The following NEIL3 variants were observed in gnomAD, a reference collection of about 807,000 sequenced individuals.
The protein encoded by NEIL3 is nei like DNA glycosylase 3.
Under a neutral mutation model 57.5 loss-of-function variants are expected in NEIL3, and 48 were observed. The ratio of observed to expected loss-of-function variants is 0.83; its 90% CI spans 0.66 to 1.06. The LOEUF (loss-of-function observed/expected upper bound fraction) is 1.06. NEIL3 is among the 50% of genes least tolerant of loss of function. The pLI is 0.00. For synonymous variants in NEIL3, 261 were observed against 253.2 expected, an observed-to-expected ratio of 1.03 and a Z score of -0.29; for missense variants, 717 against 739.1, an observed-to-expected ratio of 0.97 and a Z score of 0.35.
Position 177,360,526 on chromosome 4 carries a change from A to C in NEIL3, c.1484A>C (p.Asp495Ala). The C allele has an allele frequency of 6.2e-7, 1 of 1,613,804 alleles. No homozygotes were observed. The highest frequency in any genetic ancestry group is 2.2e-5 in the East Asian group (1 of 44,870). Residue 495 changes from aspartate to alanine, a missense_variant, in exon 9 of 10, where the codon GAT becomes GCT. Coordinates refer to ENST00000264596, the MANE Select transcript of NEIL3 (RefSeq NM_018248.3). ...AGTGAACTTCAAATTAATATGACAGATGGCCCTCGTACCTTAAATCCTGAC... is the reference window on the plus strand; with the variant it reads ...AGTGAACTTCAAATTAATATGACAGCTGGCCCTCGTACCTTAAATCCTGAC... ...SNSELQINMT[D>A]GPRTLNPDSP...
chr4:177,324,321 T>G (rs1236156806), intron 2 of NEIL3, among the ~76,000 whole-genome samples: 1 of 152,146 alleles, frequency 6.6e-6, no homozygotes, highest in Non-Finnish European at 1.5e-5. Context: ...GATACCCAAC[T>G]TTTCACAAGC....
chr4:177,311,629 G>A (rs945077548), intron 1 of NEIL3, among the ~76,000 whole-genome samples: 1 of 148,774 alleles, frequency 6.7e-6, no homozygotes, highest in African/African-American at 2.5e-5. Context: ...AGCTGAGGTC[G>A]CGTTATTGCA....
chr4:177,318,728 A>G (rs1444300103), intron 1 of NEIL3, among the ~76,000 whole-genome samples: 2 of 151,988 alleles, frequency 1.3e-5, no homozygotes, highest in Admixed American at 6.6e-5. Flanking sequence ...CCCTCCCCCA[A>G]TCTTGCTCTC....
chr4:177,368,780 T>C, the NEIL3 span, among the ~76,000 whole-genome samples: 2 of 152,224 alleles, frequency 1.3e-5, no homozygotes, highest in Admixed American at 6.5e-5. Flanking sequence ...ATCTTTCCAG[T>C]AGTTTAAATG....
At chr4:177,320,638 C>T (rs575578852) in intron 1 of NEIL3, among the ~76,000 whole-genome samples, 235 of 151,352 alleles carry the variant, frequency 1.6e-3, no homozygotes, top group African/African-American at 5.2e-3. Context: ...CCACCATGCC[C>T]GGCTAATTTT....
intron 2 of NEIL3, 28 bp downstream of exon 2, chr4:177,322,608 A>C (rs1560909357): frequency 4.3e-6 from 7 of 1,613,130 alleles, no homozygotes; most frequent in Non-Finnish European, 4.2e-6. Context: ...GATACATCTT[A>C]TCTCTCTATA....
intron 2 of NEIL3, among the ~76,000 whole-genome samples, chr4:177,334,942 C>T (rs1734946361): frequency 6.6e-6 from 1 of 152,104 alleles, no homozygotes; most frequent in Non-Finnish European, 1.5e-5. Flanking sequence ...CTAATCAATC[C>T]TATAAAATCT....
chr4:177,334,927 A>G (rs1453480579), intron 2 of NEIL3, among the ~76,000 whole-genome samples: 2 of 152,332 alleles, frequency 1.3e-5, no homozygotes, highest in East Asian at 1.9e-4. Context: ...TAAAAACTGG[A>G]CATGCTAATC....
intron 1 of NEIL3, among the ~76,000 whole-genome samples, chr4:177,321,411 AC>A (rs1451031237): frequency 2.6e-5 from 4 of 152,144 alleles, no homozygotes; most frequent in Non-Finnish European, 5.9e-5. Context: ...CATTTTTATT[AC>A]ATTTTGAGTT....
downstream of NEIL3, among the ~76,000 whole-genome samples, chr4:177,366,595 C>T (rs563770683): frequency 2.0e-5 from 3 of 152,242 alleles, no homozygotes; most frequent in East Asian, 1.9e-4. Context: ...GACAGGCTGT[C>T]GTCATGTTGG....
At position 177,353,634 on chromosome 4, in the gene NEIL3, G is replaced by A. The variant is rs1046068603; in HGVS notation, c.1366G>A (p.Glu456Lys). The A allele has an allele frequency of 5.0e-6, 8 of 1,613,496 alleles. No homozygotes were observed. In the African/African-American group the frequency reaches 6.7e-5, roughly 13 times the overall value. The change falls in exon 8 of 10, where the codon GAA becomes AAA. Residue 456 changes from glutamate (E) to lysine (K), a missense_variant. By Grantham distance (56) the Glu-to-Lys change is moderately conservative (BLOSUM62 1). Transcript: ENST00000264596. ...KVNISPTISS[E>K]SKLFSPAHKK... ...AAACATATCACCTACAATCAGTTCA[G>A]AATCTAAATTATTTAGTCCAGCACA...
intron 2 of NEIL3, among the ~76,000 whole-genome samples, chr4:177,330,538 A>G (rs991346622): frequency 6.6e-6 from 1 of 152,324 alleles, no homozygotes; most frequent in African/African-American, 2.4e-5. Flanking sequence ...GAGAAAAAAA[A>G]TCAATGAAGC....
intron 6 of NEIL3, among the ~76,000 whole-genome samples, chr4:177,342,831 C>T (rs938395674): frequency 6.6e-6 from 1 of 152,206 alleles, no homozygotes; most frequent in Non-Finnish European, 1.5e-5. Flanking sequence ...CCAACAGAGG[C>T]TCCACGTTGT....
chr4:177,370,888 G>A, the NEIL3 span, among the ~76,000 whole-genome samples: 9 of 151,850 alleles, frequency 5.9e-5, no homozygotes, highest in Non-Finnish European at 1.2e-4. Context: ...GCAACAGAGC[G>A]AGACCCTGTC....
intron 2 of NEIL3, among the ~76,000 whole-genome samples, chr4:177,332,559 AG>A (rs1477357575): frequency 6.6e-6 from 1 of 152,126 alleles, no homozygotes; most frequent in Non-Finnish European, 1.5e-5. Flanking sequence ...ATCTCAAAGA[AG>A]TGTTCAAGAA....
In NEIL3 at chr4:177,339,776, C is replaced by T. The variant is rs1479006881; in HGVS notation, c.628-7C>T. On this transcript the variant is annotated splice_polypyrimidine_tract_variant and splice_region_variant and intron_variant, in intron 4 of 9. Transcript: ENST00000264596. The stretch of plus-strand genomic sequence containing the variant: ...AAACTAGGCTCTGCTGTTTTTTCCA[C>T]TTCAAGGTTTGTCAATTAACAGATG... 1 of 1,604,650 alleles carries T rather than the reference C, an allele frequency of 6.2e-7. No homozygotes were observed. The highest frequency in any genetic ancestry group is 8.5e-7 in the Non-Finnish European group (1 of 1,172,002).
At chr4:177,329,708 A>G (rs1734847102) in intron 2 of NEIL3, among the ~76,000 whole-genome samples, 2 of 152,220 alleles carry the variant, frequency 1.3e-5, no homozygotes, top group South Asian at 4.1e-4. Flanking sequence ...AACACTATCA[A>G]CCACCTTGAC....
chr4:177,324,980 G>C (rs1159330644), intron 2 of NEIL3, among the ~76,000 whole-genome samples: 2 of 147,224 alleles, frequency 1.4e-5, no homozygotes, highest in African/African-American at 5.0e-5. Flanking sequence ...TAGATAGATA[G>C]ATAGATAAGT....
chr4:177,366,343 T>C (rs1231505836), downstream of NEIL3, among the ~76,000 whole-genome samples: 1 of 152,212 alleles, frequency 6.6e-6, no homozygotes, highest in East Asian at 1.9e-4. Flanking sequence ...ACAAAGTTAA[T>C]GATGTATTTT....
Sources: gnomAD v4.1 joint callset for allele counts (sites outside exome capture counted in the v4.1 genomes callset) on GRCh38, gnomAD v4.1.1 for gene constraint, MANE v1.5 for transcripts, NCBI Gene and HGNC (gene_info 2026-07-23, HGNC 2026-07-21) for gene names.